Variants in MOB1B observed in about 807,000 individuals in gnomAD.
The protein encoded by MOB1B is MOB1 Mps One Binder homolog B.
Under a neutral mutation model 24.4 loss-of-function variants are expected in MOB1B, and 19 were observed. That is an observed-to-expected ratio of 0.78 (90% CI 0.54 to 1.14). MOB1B has a LOEUF of 1.14. MOB1B is among the 50% of genes most tolerant of loss of function. The pLI, the probability that MOB1B is intolerant of heterozygous loss-of-function variation, is 0.00. For synonymous variants in MOB1B, 76 were observed against 82.1 expected (o/e 0.93, Z 0.40); for missense variants, 243 against 259.6 (o/e 0.94, Z 0.44).
In MOB1B at chr4:70,982,112, G is replaced by T; in HGVS notation, c.*55G>T. On this transcript the variant is annotated 3_prime_UTR_variant, in exon 6 of 6. Transcript: ENST00000309395. ...CAAATGAAGCAGTGTGGAGTGTATT[G>T]GGGATTTTGTTATATTTTGTTTTTA... 1 of 1,328,502 alleles carries T rather than the reference G, an allele frequency of 7.5e-7. No homozygotes were observed. Among genetic ancestry groups the T allele is most frequent in the South Asian group, 1.2e-5 (1 of 81,428 alleles). 82.3% of individuals were successfully genotyped at this position (1,328,502 alleles called of 1,614,324 possible). A position where few individuals can be genotyped will look rare whatever the true frequency, so the allele number is the denominator to read the frequency against.
chr4:70,955,699 A>T (rs1466793691), intron 1 of MOB1B, among the ~76,000 whole-genome samples: 1 of 151,436 alleles, frequency 6.6e-6, no homozygotes, highest in African/African-American at 2.4e-5. Flanking sequence ...TTGAACTCCC[A>T]ACCTCAGGTG....
At chr4:70,952,622 G>A (rs866733475) in intron 1 of MOB1B, among the ~76,000 whole-genome samples, 1 of 128,950 alleles carries the variant, frequency 7.8e-6, no homozygotes, top group Non-Finnish European at 1.5e-5. Context: ...CAGCCTGGGC[G>A]ACAGAGCGAG....
intron 1 of MOB1B, 52 bp downstream of exon 1, chr4:70,902,602 C>A: frequency 6.7e-7 from 1 of 1,498,684 alleles, no homozygotes. Flanking sequence ...GACCTGGGCC[C>A]CCGCCCGCCG....
At chr4:70,944,089 C>G (rs1424082214) in intron 1 of MOB1B, among the ~76,000 whole-genome samples, 2 of 151,940 alleles carry the variant, frequency 1.3e-5, no homozygotes, top group African/African-American at 4.8e-5. Context: ...TGCTCTGTCA[C>G]CTAGTTGCAA....
intron 1 of MOB1B, among the ~76,000 whole-genome samples, chr4:70,944,042 G>A (rs1737469234): frequency 6.6e-6 from 1 of 152,000 alleles, no homozygotes; most frequent in African/African-American, 2.4e-5. Context: ...GCAACTGCTA[G>A]ATATCTGTAA....
intron 1 of MOB1B, among the ~76,000 whole-genome samples, chr4:70,923,344 C>G (rs1270074011): frequency 1.3e-5 from 2 of 152,070 alleles, no homozygotes; most frequent in Non-Finnish European, 2.9e-5. Flanking sequence ...TCACATGTCT[C>G]TGATGTCTCT....
chr4:70,964,125 A>G (rs1560659183), intron 2 of MOB1B, among the ~76,000 whole-genome samples: 2 of 152,250 alleles, frequency 1.3e-5, no homozygotes, highest in Admixed American at 1.3e-4. Context: ...GTTTATTAAT[A>G]TTAGTCGACT....
chr4:70,924,295 A>G (rs1736566512), intron 1 of MOB1B, among the ~76,000 whole-genome samples: 1 of 152,214 alleles, frequency 6.6e-6, no homozygotes, highest in South Asian at 2.1e-4. Context: ...CAGCTGTCTT[A>G]TTTTCAACTC....
intron 1 of MOB1B, among the ~76,000 whole-genome samples, chr4:70,954,800 G>C (rs1382850116): frequency 6.6e-6 from 1 of 150,724 alleles, no homozygotes; most frequent in East Asian, 2.0e-4. Flanking sequence ...ACCCAGGCTG[G>C]AGTGCAGTGG....
intron 1 of MOB1B, among the ~76,000 whole-genome samples, chr4:70,947,122 C>T (rs574980325): frequency 6.6e-6 from 1 of 152,068 alleles, no homozygotes; most frequent in Non-Finnish European, 1.5e-5. Flanking sequence ...CTGAAACTGG[C>T]CGTGAAATAT....
chr4:70,902,274 G>C (rs1735537355), upstream of MOB1B: 7 of 577,980 alleles, frequency 1.2e-5, no homozygotes, highest in East Asian at 2.2e-4. Flanking sequence ...GAGCTGGGGA[G>C]GGGCTCGCGG....
chr4:70,906,813 G>A (rs1735768958), intron 1 of MOB1B, among the ~76,000 whole-genome samples: 1 of 152,150 alleles, frequency 6.6e-6, no homozygotes, highest in African/African-American at 2.4e-5. Context: ...TAATTTTGTG[G>A]ACTCAAATCT....
At chr4:70,925,601 T>C (rs1189630624) in intron 1 of MOB1B, among the ~76,000 whole-genome samples, 1 of 152,176 alleles carries the variant, frequency 6.6e-6, no homozygotes, top group Non-Finnish European at 1.5e-5. Flanking sequence ...AAAGTGTGGA[T>C]CTTTGGCACC....
chr4:70,974,312 C>T (rs996526570), intron 3 of MOB1B, among the ~76,000 whole-genome samples: 1 of 152,104 alleles, frequency 6.6e-6, no homozygotes, highest in Non-Finnish European at 1.5e-5. Context: ...CCATGTTGGC[C>T]AGGCTGGTCT....
intron 1 of MOB1B, among the ~76,000 whole-genome samples, chr4:70,953,497 A>G (rs1737896030): frequency 6.6e-6 from 1 of 152,206 alleles, no homozygotes; most frequent in Non-Finnish European, 1.5e-5. Flanking sequence ...CGGAGAAGAG[A>G]GTCAAGAGGC....
rs113511150 is a variant in MOB1B at position 70,902,449 on chromosome 4, T to C, written c.-88T>C. On this transcript the variant is annotated 5_prime_UTR_variant, in exon 1 of 6. Transcript: ENST00000309395. ...CCTCCTCCTCCGCCTCCCTGTCTCC[T>C]GTTCCATTCGCCTTTCCTCTTCTTT... 2,959 of 1,409,926 alleles carry C rather than the reference T, an allele frequency of 2.1e-3. 51 individuals are homozygous for C. In the African/African-American group the frequency reaches 0.037, roughly 18 times the overall value. 87.3% of individuals were successfully genotyped at this position (1,409,926 alleles called of 1,614,324 possible).
At chr4:70,928,386 C>G (rs1427685244) in intron 1 of MOB1B, among the ~76,000 whole-genome samples, 1 of 147,000 alleles carries the variant, frequency 6.8e-6, no homozygotes, top group African/African-American at 2.5e-5. Context: ...CCCTCTGCCT[C>G]CCGGGTTCAA....
intron 1 of MOB1B, among the ~76,000 whole-genome samples, chr4:70,924,986 CAGCT>C (rs1364263902): frequency 6.6e-6 from 1 of 152,184 alleles, no homozygotes; most frequent in African/African-American, 2.4e-5. Flanking sequence ...CAATTTTAAA[CAGCT>C]AGACATTTGG....
chr4:70,910,622 A>G (rs1168033956), intron 1 of MOB1B, among the ~76,000 whole-genome samples: 2 of 152,002 alleles, frequency 1.3e-5, no homozygotes, highest in Non-Finnish European at 2.9e-5. Flanking sequence ...TAACTTTTAA[A>G]TTCATATAAT....
Sources: gnomAD v4.1 joint callset for allele counts (sites outside exome capture counted in the v4.1 genomes callset) on GRCh38, gnomAD v4.1.1 for gene constraint, MANE v1.5 for transcripts, NCBI Gene and HGNC (gene_info 2026-07-23, HGNC 2026-07-21) for gene names.